The following ARHGEF11 variants were observed in gnomAD, a reference collection of about 807,000 sequenced individuals.
ARHGEF11 encodes the protein Rho guanine nucleotide exchange factor 11, also known as Rho guanine exchange factor (GEF) 11.
ARHGEF11 carries 55 observed loss-of-function variants against 193.7 expected under a neutral mutation model. The ratio of observed to expected loss-of-function variants is 0.28; its 90% CI spans 0.23 to 0.36. The LOEUF is 0.36. Among genes scored for constraint, ARHGEF11 ranks in the 10% least tolerant of loss-of-function variants. ARHGEF11 has a pLI of 1.00. For missense variants in ARHGEF11, 1,723 were observed against 2,005.6 expected, an observed-to-expected ratio of 0.86 and a Z score of 2.69; for synonymous variants, 693 against 768.0, an observed-to-expected ratio of 0.90 and a Z score of 1.62.
rs933775754 is a variant in ARHGEF11, at chr1:156,971,752, C to T, written c.647G>A (p.Arg216Gln). Reference sequence around the variant, plus strand: ...CAGCTGTAACTGAGTGACTCGCCGCCGGGCACCTTCGATCTGCTCTTCCAG... The same window carrying T: ...CAGCTGTAACTGAGTGACTCGCCGCTGGGCACCTTCGATCTGCTCTTCCAG... Reference protein sequence around the residue: ...SLLEEQIEGARRRVTQLQLKI... With the variant: ...SLLEEQIEGAQRRVTQLQLKI... The change falls in exon 8 of 41, where the codon CGG (arginine) becomes CAG (glutamine). Residue 216 changes from arginine (R) to glutamine (Q), a missense_variant. Transcript: ENST00000368194. The T allele has an allele frequency of 1.1e-5, 17 of 1,613,848 alleles. No individual in the cohort carries two copies. The highest frequency in any genetic ancestry group is 3.3e-5 in the Admixed American group (2 of 60,008).
intron 1 of ARHGEF11, among the ~76,000 whole-genome samples, chr1:157,019,521 C>G (rs1389175429): frequency 6.6e-6 from 1 of 152,174 alleles, no homozygotes. Context: ...TATGACCCAG[C>G]CATTCTTCTA....
chr1:157,041,797 G>A (rs1236915869), intron 1 of ARHGEF11, among the ~76,000 whole-genome samples: 1 of 152,174 alleles, frequency 6.6e-6, no homozygotes, highest in Non-Finnish European at 1.5e-5. Flanking sequence ...ACAGTCTGGT[G>A]TTGCTTTATG....
At chr1:156,964,465 T>A (rs777097727) in intron 11 of ARHGEF11, among the ~76,000 whole-genome samples, 17 of 152,220 alleles carry the variant, frequency 1.1e-4, no homozygotes, top group Non-Finnish European at 1.5e-5. Context: ...TGGAACCCAC[T>A]CAGCTTAAAT....
chr1:156,948,184 C>A lies in ARHGEF11; in HGVS notation c.2150G>T (p.Arg717Leu). Residue 717 changes from arginine to leucine, a missense_variant, in exon 24 of 41, where the codon CGC (arginine) becomes CTC (leucine). Around this residue, in one of 5 missense-constraint regions of ARHGEF11, gnomAD observed 491 missense variants for 654.5 expected, o/e 0.75. Transcript: ENST00000368194. This position sits in a 1 kb window ranked among gnomAD's most constrained non-coding sequence, Gnocchi z 4.2. ...CACCACCGTGCCCATCACTTACCTG[C>A]GGCCCATTTTGGGAGTGAATGGAGG... ...PTPPFTPKMG[R>L]RSIESPSLGF... 1.3e-6 allele frequency: 2 copies of A among 1,565,844 alleles called. No individual in the cohort carries two copies. The highest frequency in any genetic ancestry group is 1.7e-6 in the Non-Finnish European group (2 of 1,154,112).
At chr1:156,978,131 T>C (rs1037079864) in intron 6 of ARHGEF11, 73 bp downstream of exon 6, 8 of 1,587,330 alleles carry the variant, frequency 5.0e-6, no homozygotes, top group African/African-American at 1.3e-5. Flanking sequence ...TGGATTTAAC[T>C]TGCTTTCCTC....
intron 1 of ARHGEF11, among the ~76,000 whole-genome samples, chr1:157,026,895 G>A (rs562970928): frequency 1.3e-5 from 2 of 152,184 alleles, no homozygotes; most frequent in South Asian, 2.1e-4. Context: ...GAAAACAAAC[G>A]GGTGGAGAAC....
rs546446074 is a variant in ARHGEF11 at position 156,978,393 on chromosome 1, A to C, written c.332-11T>G. 2.5e-6 allele frequency: 4 copies of C among 1,576,332 alleles called. No individual in the cohort carries two copies. The South Asian group carries it at 4.7e-5, about 19-fold the overall frequency. On this transcript the variant is annotated splice_polypyrimidine_tract_variant and intron_variant, in intron 5 of 40. Coordinates refer to ENST00000368194, the MANE Select transcript of ARHGEF11 (RefSeq NM_198236.3). ...CGACATAGGCGCCAGCTAGAGGGAAACAGAGAGAGACTTGTTCCAGGAGTG... is the reference window on the plus strand; with the variant it reads ...CGACATAGGCGCCAGCTAGAGGGAACCAGAGAGAGACTTGTTCCAGGAGTG...
chr1:157,021,098 C>T (rs549780098), intron 1 of ARHGEF11, among the ~76,000 whole-genome samples: 1 of 152,348 alleles, frequency 6.6e-6, no homozygotes, highest in East Asian at 1.9e-4. Flanking sequence ...TCAGCAATTA[C>T]AGTCTCTGAC....
chr1:156,970,768 A>T (rs1662382769), intron 8 of ARHGEF11, among the ~76,000 whole-genome samples: 1 of 152,208 alleles, frequency 6.6e-6, no homozygotes, highest in African/African-American at 2.4e-5. Flanking sequence ...TTTAACTCTG[A>T]CAACACTGTG....
rs1268167011 is a variant in ARHGEF11, at chr1:157,044,636, C to T, written c.-306G>A. On this transcript the variant is annotated 5_prime_UTR_variant, in exon 1 of 41. The change creates a new upstream start codon in the 5' untranslated region. Transcript: ENST00000368194. The stretch of plus-strand genomic sequence containing the variant: ...TTCTCAGAAACCAAAAACCCAGCCA[C>T]GAATCTCTTCAAGGTTAGCACTATG... 2.1e-6 allele frequency: 1 copy of T among 478,162 alleles called. No individual in the cohort carries two copies. The highest frequency in any genetic ancestry group is 1.9e-5 in the African/African-American group (1 of 51,446). The allele number at this position is 478,162 out of a possible 1,614,324, so 29.6% of individuals were successfully genotyped here.
At chr1:156,958,713 G>T in intron 17 of ARHGEF11, 29 bp downstream of exon 17, 1 of 1,613,960 alleles carries the variant, frequency 6.2e-7, no homozygotes, top group Non-Finnish European at 8.5e-7. Context: ...AGGATGTTCA[G>T]TGGGGTGGGA....
chr1:156,936,605 G>A (rs1032296833), intron 40 of ARHGEF11, among the ~76,000 whole-genome samples: 14 of 150,098 alleles, frequency 9.3e-5, no homozygotes, highest in Non-Finnish European at 2.1e-4. Flanking sequence ...AGGAAAAAGA[G>A]GGCTCAGTGC....
chr1:156,955,391 G>T (rs1019356518), intron 20 of ARHGEF11, among the ~76,000 whole-genome samples: 4 of 152,102 alleles, frequency 2.6e-5, no homozygotes, highest in Non-Finnish European at 4.4e-5. Context: ...AAGGTGAAGG[G>T]GGCATTTTCT....
intron 1 of ARHGEF11, among the ~76,000 whole-genome samples, chr1:156,986,480 C>T (rs1664934998): frequency 6.6e-6 from 1 of 152,066 alleles, no homozygotes; most frequent in Non-Finnish European, 1.5e-5. Context: ...CACACGTGTA[C>T]ATGCTTGTTG....
At chr1:157,004,582 G>A (rs1398719624) in intron 1 of ARHGEF11, among the ~76,000 whole-genome samples, 2 of 152,140 alleles carry the variant, frequency 1.3e-5, no homozygotes, top group Admixed American at 1.3e-4. Flanking sequence ...CTGCATAGCC[G>A]AGAGAGATGC....
chr1:157,003,996 T>C (rs1471507749), intron 1 of ARHGEF11, among the ~76,000 whole-genome samples: 2 of 152,212 alleles, frequency 1.3e-5, no homozygotes, highest in Non-Finnish European at 2.9e-5. Flanking sequence ...TGCTCCCTTG[T>C]ATTCATCTAG....
chr1:156,963,223 G>C lies in ARHGEF11; in HGVS notation c.1120C>G (p.Gln374Glu). The C allele has an allele frequency of 1.2e-6, 2 of 1,613,914 alleles. No individual in the cohort carries two copies. Among genetic ancestry groups the C allele is most frequent in the Non-Finnish European group, 1.7e-6 (2 of 1,179,818 alleles). The change falls in exon 13 of 41, where the codon CAG becomes GAG. Residue 374 changes from glutamine to glutamate, a missense_variant. Transcript: ENST00000368194. ...LGVFLRYIFS[Q>E]ADPSPLLFYL... is the part of the protein sequence containing the mutation. ...CTTACCAGTGGACTGGGGTCCGCCTGAGAGAAGATGTAACGTAGAAAAACC... is the reference window on the plus strand; with the variant it reads ...CTTACCAGTGGACTGGGGTCCGCCTCAGAGAAGATGTAACGTAGAAAAACC...
chr1:156,945,363 G>C, intron 29 of ARHGEF11, 166 bp from the exon 30 acceptor site: 1 of 669,530 alleles, frequency 1.5e-6, no homozygotes, highest in East Asian at 2.7e-5. Flanking sequence ...AAGTGGTAAG[G>C]GTAACTTTTA....
intron 1 of ARHGEF11, among the ~76,000 whole-genome samples, chr1:156,990,510 T>C (rs933323201): frequency 1.3e-5 from 2 of 152,230 alleles, no homozygotes; most frequent in African/African-American, 4.8e-5. Flanking sequence ...TAGATGATTC[T>C]TGCCTAAAGC....
Sources: allele counts gnomAD v4.1 joint callset (sites outside exome capture counted in the v4.1 genomes callset), GRCh38; gene constraint gnomAD v4.1.1; regional missense constraint gnomAD v4.1.1; non-coding constraint Gnocchi (gnomAD v3.1); transcripts MANE v1.5; gene names NCBI Gene and HGNC (gene_info 2026-07-23, HGNC 2026-07-21).